The following POU2AF1 variants were observed in gnomAD, a reference collection of about 807,000 sequenced individuals.
The protein encoded by POU2AF1 is POU domain class 2-associating factor 1.
Under a neutral mutation model 26.3 loss-of-function variants are expected in POU2AF1, and 12 were observed. The observed-to-expected ratio is 0.46, with a 90% confidence interval of 0.29 to 0.74. The LOEUF (loss-of-function observed/expected upper bound fraction) is 0.74, where lower values mean the gene tolerates loss of function less well. Ranked by LOEUF, POU2AF1 falls within the 30% of genes least tolerant of loss-of-function variation. The probability of loss-of-function intolerance (pLI) is 0.09; values close to 1 mark genes in which losing one functional copy is unlikely to be tolerated. For missense variants in POU2AF1, 297 were observed against 334.5 expected, an observed-to-expected ratio of 0.89 and a Z score of 0.87; for synonymous variants, 175 against 148.0, an observed-to-expected ratio of 1.18 and a Z score of -1.32.
rs1256009274 is a variant in POU2AF1 at position 111,358,406 on chromosome 11, T to TC, written c.147+381dup. Among the ~76,000 whole-genome samples the TC allele has an allele frequency of 1.3e-4, 3 of 23,406 alleles. 1 individual carries two copies. Among genetic ancestry groups the TC allele is most frequent in the Admixed American group, 6.6e-4 (1 of 1,510 alleles). The allele number at this position is 23,406 out of a possible 152,430, so 15.4% of individuals were successfully genotyped here. A position where few individuals can be genotyped will look rare whatever the true frequency, so the allele number is the denominator to read the frequency against. ...CACACACACTCCCTCACACACATAC[T>TC]CTCTCACACACACGCTCACACTCTC... On this transcript the variant is annotated intron_variant, in intron 2 of 4. Coordinates refer to ENST00000393067, the MANE Select transcript of POU2AF1 (RefSeq NM_006235.3).
At chr11:111,358,074 G>A (rs1368126865) in intron 2 of POU2AF1, among the ~76,000 whole-genome samples, 1 of 152,000 alleles carries the variant, frequency 6.6e-6, no homozygotes, top group East Asian at 1.9e-4. Flanking sequence ...TTCTCAGGGG[G>A]GGCCCCCAAC....
Position 111,353,706 on chromosome 11 carries a change from C to T in POU2AF1, c.*555G>A, listed in dbSNP as rs1860780835. On this transcript the variant is annotated 3_prime_UTR_variant, in exon 5 of 5. Transcript: ENST00000393067. ...TTAAAATTACAGAGGGTGTGAGTGA[C>T]CCTAAGATGGTTCAGCAGGCACTGG... The T allele has an allele frequency of 1.2e-5, 3 of 245,738 alleles. No individual in the cohort carries two copies. The South Asian group carries it at 4.7e-4, about 39-fold the overall frequency. 15.2% of individuals were successfully genotyped at this position (245,738 alleles called of 1,614,324 possible).
At chr11:111,358,288 T>C (rs61896822) in intron 2 of POU2AF1, among the ~76,000 whole-genome samples, 98,010 of 149,658 alleles carry the variant, frequency 0.65, 33,395 homozygotes, top group Admixed American at 0.78. Context: ...GCACACACAT[T>C]CTCACACAAA....
chr11:111,371,574 A>G (rs1020717230), intron 1 of POU2AF1, among the ~76,000 whole-genome samples: 4 of 152,168 alleles, frequency 2.6e-5, no homozygotes, highest in African/African-American at 9.7e-5. Context: ...CTAACCCACC[A>G]CAAGTTACAA....
chr11:111,358,358 T>G (rs34306900), intron 2 of POU2AF1, among the ~76,000 whole-genome samples: 2 of 105,818 alleles, frequency 1.9e-5, no homozygotes, highest in Non-Finnish European at 4.3e-5. Flanking sequence ...ACACTCACAC[T>G]CTCACACACT....
chr11:111,369,729 A>C (rs951867354), intron 1 of POU2AF1, among the ~76,000 whole-genome samples: 4 of 152,168 alleles, frequency 2.6e-5, no homozygotes, highest in Admixed American at 2.6e-4. Flanking sequence ...AAGGTGAATG[A>C]GGAGAGTCCA....
chr11:111,366,302 CT>C (rs1320463937), intron 1 of POU2AF1, among the ~76,000 whole-genome samples: 2 of 152,196 alleles, frequency 1.3e-5, no homozygotes, highest in Non-Finnish European at 2.9e-5. Flanking sequence ...CTCATATATC[CT>C]GCAATCTGGA....
At chr11:111,379,136 C>A (rs1299201595) in intron 1 of POU2AF1, 26 bp downstream of exon 1, 1 of 1,613,976 alleles carries the variant, frequency 6.2e-7, no homozygotes, top group South Asian at 1.1e-5. Context: ...TCGCTTGGGT[C>A]TGACAGCCAC....
At chr11:111,360,438 G>C (rs778022884) in intron 1 of POU2AF1, among the ~76,000 whole-genome samples, 1 of 152,232 alleles carries the variant, frequency 6.6e-6, no homozygotes, top group African/African-American at 2.4e-5. Context: ...CACGAGCAAG[G>C]CCTGGCCTTG....
chr11:111,376,036 A>C (rs1005925009), intron 1 of POU2AF1, among the ~76,000 whole-genome samples: 40 of 152,204 alleles, frequency 2.6e-4, no homozygotes, highest in African/African-American at 9.7e-4. Context: ...CTTTTTAACT[A>C]TTCTAATCAA....
intron 1 of POU2AF1, among the ~76,000 whole-genome samples, chr11:111,371,467 G>A (rs749453818): frequency 4.6e-5 from 7 of 152,058 alleles, no homozygotes; most frequent in African/African-American, 7.2e-5. Context: ...AAGTCTTGCC[G>A]CCACCCTACC....
At chr11:111,377,217 CAA>C (rs60511505) in intron 1 of POU2AF1, among the ~76,000 whole-genome samples, 82,690 of 140,196 alleles carry the variant, frequency 0.59, 24,864 homozygotes, top group Admixed American at 0.72. Context: ...ACTAAAAATA[CAA>C]AAAAAAAAAA....
chr11:111,357,300 G>C (rs1398156261), intron 4 of POU2AF1, 145 bp downstream of exon 4: 2 of 1,096,174 alleles, frequency 1.8e-6, no homozygotes, highest in Non-Finnish European at 2.7e-6. Context: ...ATCAGAGCAG[G>C]CCTCCATGGA....
At chr11:111,359,263 G>A (rs1449989528) in intron 1 of POU2AF1, 21 of 300,416 alleles carry the variant, frequency 7.0e-5, no homozygotes, top group Non-Finnish European at 8.7e-5. Flanking sequence ...GTGTTCCTGC[G>A]TGTCTCACCT....
Position 111,358,832 on chromosome 11 carries a change from T to G in POU2AF1, c.103A>C (p.Lys35Gln), listed in dbSNP as rs1194653487. ...GCCCCACTGCTGGCGTGGCCTCGCTTCCTCCTCAGCAGTTCCTTCACTGGC... is the reference window on the plus strand; with the variant it reads ...GCCCCACTGCTGGCGTGGCCTCGCTGCCTCCTCAGCAGTTCCTTCACTGGC... ...KEPVKELLRR[K>Q]RGHASSGAAP... is the part of the protein sequence containing the mutation. The change falls in exon 2 of 5, where the codon AAG becomes CAG. Residue 35 changes from lysine (K) to glutamine (Q), a missense_variant. Transcript: ENST00000393067. 6.2e-7 allele frequency: 1 copy of G among 1,608,620 alleles called. No homozygotes were observed. The highest frequency in any genetic ancestry group is 1.1e-5 in the South Asian group (1 of 90,824).
chr11:111,358,440 T>TCACACACA (rs1565360853), intron 2 of POU2AF1, among the ~76,000 whole-genome samples: 2 of 47,706 alleles, frequency 4.2e-5, no homozygotes, highest in South Asian at 5.1e-4. Flanking sequence ...TCACACTCAC[T>TCACACACA]CTCACACACA....
Position 111,379,242 on chromosome 11 carries a change from C to A in POU2AF1, c.-65G>T, listed in dbSNP as rs921153335. 3.1e-6 allele frequency: 5 copies of A among 1,605,396 alleles called. No homozygotes were observed. The highest frequency in any genetic ancestry group is 1.1e-5 in the South Asian group (1 of 90,906). On this transcript the variant is annotated 5_prime_UTR_variant, in exon 1 of 5. Coordinates refer to ENST00000393067, the MANE Select transcript of POU2AF1 (RefSeq NM_006235.3). ...CAGTTTGGCTTCTTTAATGTGAGAC[C>A]GGGGTGTGTTTTCCTCCAGTGGAGC...
intron 1 of POU2AF1, among the ~76,000 whole-genome samples, chr11:111,367,654 C>T (rs150069206): frequency 1.8e-3 from 273 of 152,242 alleles, no homozygotes; most frequent in African/African-American, 6.3e-3. Context: ...CATCCTAACC[C>T]TCCTTGCTCC....
At chr11:111,363,694 A>T in intron 1 of POU2AF1, 2 of 492,520 alleles carry the variant, frequency 4.1e-6, no homozygotes, top group Non-Finnish European at 5.3e-6. Context: ...AAAATAAACC[A>T]GGAGATTGAA....
Sources: gnomAD v4.1 joint callset for allele counts (sites outside exome capture counted in the v4.1 genomes callset) on GRCh38, gnomAD v4.1.1 for gene constraint, MANE v1.5 for transcripts, NCBI Gene and HGNC (gene_info 2026-07-23, HGNC 2026-07-21) for gene names.